STEAP1B: variants seen among roughly 807,000 people sequenced by gnomAD.
The protein encoded by STEAP1B is STEAP family protein MGC87042.
A neutral mutation model predicts 27.9 loss-of-function variants in STEAP1B; 13 were observed. The ratio of observed to expected loss-of-function variants is 0.47; its 90% CI spans 0.30 to 0.74. The LOEUF is 0.74. Ranked by LOEUF, STEAP1B falls within the 30% of genes least tolerant of loss-of-function variation. The probability of loss-of-function intolerance (pLI) is 0.06; values close to 1 mark genes in which losing one functional copy is unlikely to be tolerated. For missense variants in STEAP1B, 250 were observed against 298.7 expected, an observed-to-expected ratio of 0.84 and a Z score of 1.20; for synonymous variants, 86 against 107.1, an observed-to-expected ratio of 0.80 and a Z score of 1.22.
At chr7:22,472,840 A>G (rs1785908252) in intron 4 of STEAP1B, among the ~76,000 whole-genome samples, 1 of 152,168 alleles carries the variant, frequency 6.6e-6, no homozygotes, top group South Asian at 2.1e-4. Context: ...GTCATGGGCT[A>G]TGGAGGCGGG....
intron 1 of STEAP1B, among the ~76,000 whole-genome samples, chr7:22,497,665 C>G (rs1415076954): frequency 6.6e-6 from 1 of 152,206 alleles, no homozygotes; most frequent in African/African-American, 2.4e-5. Context: ...TATTCCAAGT[C>G]ATTTGGTGAC....
intron 4 of STEAP1B, among the ~76,000 whole-genome samples, chr7:22,450,303 T>C (rs1265839994): frequency 1.3e-5 from 2 of 152,268 alleles, no homozygotes; most frequent in Non-Finnish European, 2.9e-5. Flanking sequence ...AGTTTCATAC[T>C]TGGGATCTTA....
intron 1 of STEAP1B, among the ~76,000 whole-genome samples, chr7:22,496,027 C>A (rs1198664174): frequency 1.3e-5 from 2 of 152,118 alleles, no homozygotes; most frequent in African/African-American, 2.4e-5. Context: ...GCATTGTTAT[C>A]AGAGAAGATG....
intron 4 of STEAP1B, among the ~76,000 whole-genome samples, chr7:22,485,254 A>T (rs574431894): frequency 6.6e-6 from 1 of 152,330 alleles, no homozygotes; most frequent in East Asian, 1.9e-4. Flanking sequence ...GGCAAACTTC[A>T]TTACTGTCTT....
chr7:22,454,214 T>C (rs1785534238), intron 4 of STEAP1B, among the ~76,000 whole-genome samples: 1 of 152,232 alleles, frequency 6.6e-6, no homozygotes, highest in African/African-American at 2.4e-5. Context: ...GCCCTAGGGA[T>C]GAGAGAGAAC....
At chr7:22,495,711 AT>A (rs1786428652) in intron 1 of STEAP1B, among the ~76,000 whole-genome samples, 1 of 152,078 alleles carries the variant, frequency 6.6e-6, no homozygotes, top group African/African-American at 2.4e-5. Flanking sequence ...CAACAATTTG[AT>A]TGACAGAAAA....
chr7:22,456,464 T>C (rs1237006700), intron 4 of STEAP1B, among the ~76,000 whole-genome samples: 1 of 152,224 alleles, frequency 6.6e-6, no homozygotes, highest in Non-Finnish European at 1.5e-5. Context: ...TTCTTATTCA[T>C]CTTTATAACC....
Position 22,492,554 on chromosome 7 carries a change from A to G in STEAP1B, c.762+11T>C, listed in dbSNP as rs1786346598. On this transcript the variant is annotated intron_variant, in intron 4 of 4. Coordinates refer to ENST00000678116, the MANE Select transcript of STEAP1B (RefSeq NM_001382447.1). ...GATTTACCTCTTAGGGTTATTTTAT[A>G]TATTATTTACCTGAATATAGTGAAA... 1 of 1,576,496 alleles carries G rather than the reference A, an allele frequency of 6.3e-7. No individual in the cohort carries two copies. Among genetic ancestry groups the G allele is most frequent in the East Asian group, 2.3e-5 (1 of 44,272 alleles).
intron 4 of STEAP1B, among the ~76,000 whole-genome samples, chr7:22,435,763 C>T (rs1003909823): frequency 1.3e-5 from 2 of 152,174 alleles, no homozygotes; most frequent in African/African-American, 2.4e-5. Flanking sequence ...GAGAAGTGAG[C>T]GTAGGTTGCT....
intron 4 of STEAP1B, 44 bp downstream of exon 4, chr7:22,492,521 A>T: frequency 6.6e-7 from 1 of 1,525,026 alleles, no homozygotes. Flanking sequence ...TCATAAACAC[A>T]AAAAGAAGAT....
chr7:22,445,129 G>C (rs1244515946), intron 4 of STEAP1B, among the ~76,000 whole-genome samples: 3 of 152,220 alleles, frequency 2.0e-5, no homozygotes, highest in Non-Finnish European at 4.4e-5. Context: ...GGCAGGGTTG[G>C]CATTGGGAAC....
At chr7:22,489,250 T>C (rs1316201702) in intron 4 of STEAP1B, among the ~76,000 whole-genome samples, 1 of 152,138 alleles carries the variant, frequency 6.6e-6, no homozygotes, top group Non-Finnish European at 1.5e-5. Flanking sequence ...ATAATGTAAC[T>C]AGTAGTTACA....
intron 4 of STEAP1B, among the ~76,000 whole-genome samples, chr7:22,433,071 A>G (rs1258875166): frequency 6.6e-6 from 1 of 152,320 alleles, no homozygotes. Context: ...AAATAGAAAA[A>G]CACAGGGGGA....
intron 4 of STEAP1B, among the ~76,000 whole-genome samples, chr7:22,433,182 C>T (rs1785212554): frequency 6.6e-6 from 1 of 152,158 alleles, no homozygotes; most frequent in Admixed American, 6.5e-5. Flanking sequence ...GCAAACTTCG[C>T]AAGCTCCCAT....
rs1471749405 is a variant in STEAP1B at position 22,492,724 on chromosome 7, T to C, written c.603A>G (p.Gln201=). ...KLLNWAYQQV[Q]QNKEDAWIEH... ...CAATCCAGGCATCTTCTTTATTTTG[T>C]TGGACCTACCAGAAGGTAAATAAAG... The change falls in exon 4 of 5, where the codon CAA becomes CAG. Residue 201 remains glutamine, a synonymous_variant. Transcript: ENST00000678116. 1 of 1,586,888 alleles carries C rather than the reference T, an allele frequency of 6.3e-7. No homozygotes were observed. The highest frequency in any genetic ancestry group is 2.2e-5 in the East Asian group (1 of 44,700).
At chr7:22,420,608 C>T (rs1420336929) in intron 4 of STEAP1B, among the ~76,000 whole-genome samples, 1 of 152,248 alleles carries the variant, frequency 6.6e-6, no homozygotes, top group African/African-American at 2.4e-5. Context: ...ATCATGGCTT[C>T]TGCTCTCAGT....
chr7:22,461,017 G>A lies in STEAP1B; in HGVS notation c.762+31548C>T, dbSNP rs576661915. 2.0e-5 allele frequency among the ~76,000 whole-genome samples: 3 copies of A among 152,282 alleles called. No individual in the cohort carries two copies. The East Asian group carries it at 5.8e-4, about 29-fold the overall frequency. ...CAATACATTGATAAATGACACAGGA[G>A]GCCCAACATTTGAAAAACTGCCGCT... is the stretch of plus-strand genomic sequence containing the variant. On this transcript the variant is annotated intron_variant, in intron 4 of 4. Coordinates refer to ENST00000678116, the MANE Select transcript of STEAP1B (RefSeq NM_001382447.1).
chr7:22,439,108 C>G (rs1243263731), intron 4 of STEAP1B, among the ~76,000 whole-genome samples: 2 of 152,070 alleles, frequency 1.3e-5, no homozygotes, highest in African/African-American at 4.8e-5. Context: ...GAAAACCAGA[C>G]CCTAATCTAC....
At chr7:22,494,727 A>G (rs1330551638) in intron 2 of STEAP1B, 45 bp downstream of exon 2, 3 of 1,303,344 alleles carry the variant, frequency 2.3e-6, no homozygotes, top group Non-Finnish European at 3.2e-6. Flanking sequence ...AATTATGTTT[A>G]AAGATGTAAA....
Sources: gnomAD v4.1 joint callset for allele counts (sites outside exome capture counted in the v4.1 genomes callset) on GRCh38, gnomAD v4.1.1 for gene constraint, MANE v1.5 for transcripts, NCBI Gene and HGNC (gene_info 2026-07-23, HGNC 2026-07-21) for gene names.